Variants in CASP4 observed in about 807,000 individuals in gnomAD.
CASP4 encodes caspase 4, also known as caspase-4.
Under a neutral mutation model 41.3 loss-of-function variants are expected in CASP4, and 29 were observed. The ratio of observed to expected loss-of-function variants is 0.70; its 90% CI spans 0.52 to 0.96. The LOEUF (loss-of-function observed/expected upper bound fraction) is 0.96. CASP4 is among the 40% of genes least tolerant of loss of function. The pLI is 0.00. For missense variants in CASP4, 447 were observed against 460.6 expected (o/e 0.97, Z 0.27); for synonymous variants, 185 against 158.4 (o/e 1.17, Z -1.26).
intron 1 of CASP4, among the ~76,000 whole-genome samples, chr11:104,962,092 G>C (rs1043175873): frequency 3.3e-5 from 5 of 152,142 alleles, no homozygotes; most frequent in African/African-American, 9.7e-5. Context: ...ATGTTAAATG[G>C]TTCCCCATGC....
At chr11:104,955,102 TGTCCTAC>T in intron 1 of CASP4, 101 bp from the exon 2 acceptor site, 4 of 1,158,730 alleles carry the variant, frequency 3.5e-6, no homozygotes, top group Non-Finnish European at 4.9e-6. Context: ...TCTGAAAGTA[TGTCCTAC>T]TTCACCATCT....
chr11:104,964,858 C>T (rs186759835), intron 1 of CASP4, among the ~76,000 whole-genome samples: 1 of 152,182 alleles, frequency 6.6e-6, no homozygotes, highest in African/African-American at 2.4e-5. Flanking sequence ...ATCTGAGATT[C>T]CTCATGGAAC....
intron 1 of CASP4, among the ~76,000 whole-genome samples, chr11:104,961,945 T>A (rs989673851): frequency 1.3e-5 from 2 of 152,132 alleles, no homozygotes; most frequent in African/African-American, 4.8e-5. Flanking sequence ...TGTTCTGAGG[T>A]CGTCCCTCCC....
intron 1 of CASP4, among the ~76,000 whole-genome samples, chr11:104,959,017 C>CTATATGGA (rs909139618): frequency 6.8e-6 from 1 of 146,694 alleles, no homozygotes; most frequent in Non-Finnish European, 1.5e-5. Context: ...TTATGGAAAC[C>CTATATGGA]TATATGGAGA....
At chr11:104,951,160 C>T (rs751387062) in intron 3 of CASP4, 62 bp from the exon 4 acceptor site, 76 of 1,467,364 alleles carry the variant, frequency 5.2e-5, no homozygotes, top group African/African-American at 4.1e-4. Context: ...CCTCCTTATG[C>T]CTATCAGTGT....
chr11:104,949,819 C>A, intron 4 of CASP4, 42 bp from the exon 5 acceptor site: 1 of 1,577,666 alleles, frequency 6.3e-7, no homozygotes, highest in South Asian at 1.1e-5. Flanking sequence ...AGAAGCATCA[C>A]AATTAAAGGG....
chr11:104,950,795 T>TGTACACACACAC, intron 4 of CASP4, 130 bp downstream of exon 4: 1 of 93,718 alleles, frequency 1.1e-5, no homozygotes, highest in Admixed American at 2.9e-4. Context: ...TCTTATTTTG[T>TGTACACACACAC]ATACACACAC....
In CASP4 at chr11:104,954,737, C is replaced by T. The variant is rs371778039; in HGVS notation, c.262+10G>A. ...AATTGAGACATTCATTGTAAAAAAT[C>T]CAGTCTTACCTTTTTTATTGGGGGA... On this transcript the variant is annotated intron_variant, in intron 2 of 8. Transcript: ENST00000444739. The T allele has an allele frequency of 4.3e-6, 7 of 1,610,402 alleles. No individual in the cohort carries two copies. The highest frequency in any genetic ancestry group is 5.9e-6 in the Non-Finnish European group (7 of 1,178,208).
At chr11:104,950,826 A>ACACACACACAC in intron 4 of CASP4, 99 bp downstream of exon 4, 50 of 1,119,046 alleles carry the variant, frequency 4.5e-5, no homozygotes, top group Non-Finnish European at 5.4e-5. Flanking sequence ...ACACACACCC[A>ACACACACACAC]AAGGTTGTTA....
chr11:104,945,131 C>G (rs1256144853), intron 7 of CASP4, among the ~76,000 whole-genome samples: 1 of 152,120 alleles, frequency 6.6e-6, no homozygotes, highest in Non-Finnish European at 1.5e-5. Context: ...ACAGATCTGA[C>G]AATAAGTTAT....
At chr11:104,952,519 T>A (rs1860640743) in intron 2 of CASP4, among the ~76,000 whole-genome samples, 1 of 152,140 alleles carries the variant, frequency 6.6e-6, no homozygotes, top group African/African-American at 2.4e-5. Flanking sequence ...AAAAGTATTA[T>A]TTTAACATGT....
At chr11:104,960,951 C>G (rs914547074) in intron 1 of CASP4, among the ~76,000 whole-genome samples, 1 of 152,186 alleles carries the variant, frequency 6.6e-6, no homozygotes, top group East Asian at 1.9e-4. Flanking sequence ...GTAGTCAAGT[C>G]CATGTAGGAA....
chr11:104,948,706 C>A, intron 5 of CASP4, 30 bp from the exon 6 acceptor site: 1 of 1,544,564 alleles, frequency 6.5e-7, no homozygotes, highest in Non-Finnish European at 8.8e-7. Context: ...CTGCACACTG[C>A]TGTGCCTCCC....
At chr11:104,957,281 A>T (rs1860757551) in intron 1 of CASP4, among the ~76,000 whole-genome samples, 1 of 152,206 alleles carries the variant, frequency 6.6e-6, no homozygotes, top group Non-Finnish European at 1.5e-5. Flanking sequence ...TTTAAAAAAT[A>T]AATAAATTTC....
chr11:104,951,715 T>A, intron 3 of CASP4, 181 bp downstream of exon 3: 3 of 647,754 alleles, frequency 4.6e-6, no homozygotes, highest in Non-Finnish European at 8.5e-6. Flanking sequence ...ATCTGCATCA[T>A]GGATTGAGAA....
chr11:104,954,630 G>T, intron 2 of CASP4, 117 bp downstream of exon 2: 2 of 987,488 alleles, frequency 2.0e-6, no homozygotes, highest in Non-Finnish European at 3.0e-6. Context: ...TAGGTTTAGT[G>T]AAAATGATAG....
At chr11:104,965,474 C>T (rs1860952526) in intron 1 of CASP4, among the ~76,000 whole-genome samples, 1 of 152,150 alleles carries the variant, frequency 6.6e-6, no homozygotes. Flanking sequence ...TATTAGAAAA[C>T]CCAAACAGAG....
chr11:104,950,683 C>CAAT (rs879277831), intron 4 of CASP4, among the ~76,000 whole-genome samples: 1 of 152,000 alleles, frequency 6.6e-6, no homozygotes, highest in Non-Finnish European at 1.5e-5. Flanking sequence ...TTTTGGAATT[C>CAAT]AATAAGAAAT....
At chr11:104,945,159 T>G (rs1860424941) in intron 7 of CASP4, among the ~76,000 whole-genome samples, 1 of 152,126 alleles carries the variant, frequency 6.6e-6, no homozygotes, top group African/African-American at 2.4e-5. Flanking sequence ...AAACTATTCA[T>G]GAAAACCAGA....
Sources: allele counts gnomAD v4.1 joint callset (sites outside exome capture counted in the v4.1 genomes callset), GRCh38; gene constraint gnomAD v4.1.1; transcripts MANE v1.5; gene names NCBI Gene and HGNC (gene_info 2026-07-23, HGNC 2026-07-21).